SPAG16: variants seen among roughly 807,000 people sequenced by gnomAD.
The protein encoded by SPAG16 is sperm-associated antigen 16 protein.
In SPAG16, 86 loss-of-function variants were observed where a neutral mutation model predicts 80.4. The observed-to-expected ratio is 1.07, with a 90% CI of 0.90 to 1.28. The LOEUF is 1.28. SPAG16 is among the 50% of genes most tolerant of loss of function. SPAG16 has a pLI of 0.00. For missense variants in SPAG16, 870 were observed against 765.3 expected, an observed-to-expected ratio of 1.14 and a Z score of -1.61; for synonymous variants, 294 against 265.9, an observed-to-expected ratio of 1.11 and a Z score of -1.03.
At chr2:214,270,550 T>C (rs1044058937) in intron 15 of SPAG16, among the ~76,000 whole-genome samples, 2 of 152,164 alleles carry the variant, frequency 1.3e-5, no homozygotes, top group African/African-American at 4.8e-5. Context: ...ATGATATGGC[T>C]CCTGACTACA....
chr2:214,120,207 T>A (rs2054147421), intron 14 of SPAG16, among the ~76,000 whole-genome samples: 1 of 151,794 alleles, frequency 6.6e-6, no homozygotes, highest in South Asian at 2.1e-4. Context: ...CTTTTTATAT[T>A]TCCTGTGCTT....
chr2:213,958,506 G>C (rs1400315419), intron 12 of SPAG16, among the ~76,000 whole-genome samples: 1 of 152,106 alleles, frequency 6.6e-6, no homozygotes, highest in African/African-American at 2.4e-5. Flanking sequence ...GGATGCCAAA[G>C]CAACATAAAA....
At chr2:214,102,352 G>A (rs1277292274) in intron 13 of SPAG16, among the ~76,000 whole-genome samples, 2 of 149,976 alleles carry the variant, frequency 1.3e-5, no homozygotes, top group African/African-American at 4.9e-5. Flanking sequence ...AAACAAAATG[G>A]GGTGACCTAT....
chr2:213,496,858 A>G (rs894637863), intron 10 of SPAG16, among the ~76,000 whole-genome samples: 1 of 151,378 alleles, frequency 6.6e-6, no homozygotes, highest in Non-Finnish European at 1.5e-5. Context: ...ATAGATATGT[A>G]TTTTTCCAAT....
chr2:214,018,944 T>G (rs557864937), intron 13 of SPAG16, among the ~76,000 whole-genome samples: 2 of 152,300 alleles, frequency 1.3e-5, no homozygotes, highest in South Asian at 4.1e-4. Context: ...CAGCTCTGAA[T>G]TTTGTAGAGG....
intron 10 of SPAG16, among the ~76,000 whole-genome samples, chr2:213,567,027 C>G (rs2059792258): frequency 6.6e-6 from 1 of 152,046 alleles, no homozygotes; most frequent in Non-Finnish European, 1.5e-5. Context: ...TAATGTTCAT[C>G]CTTCTGGCTT....
At chr2:213,862,756 A>G (rs1029011346) in intron 11 of SPAG16, 128 bp downstream of exon 11, 2 of 1,019,462 alleles carry the variant, frequency 2.0e-6, no homozygotes, top group African/African-American at 1.6e-5. Flanking sequence ...ACTGAATTTC[A>G]AAGTGTATAG....
chr2:214,019,867 CA>C (rs2047771493), intron 13 of SPAG16, among the ~76,000 whole-genome samples: 1 of 152,082 alleles, frequency 6.6e-6, no homozygotes, highest in Non-Finnish European at 1.5e-5. Flanking sequence ...TCCCTGCCCT[CA>C]ATGAACACAC....
At position 213,916,428 on chromosome 2, in the gene SPAG16, G is replaced by A. The variant is rs186625281; in HGVS notation, c.1215-13532G>A. On this transcript the variant is annotated intron_variant, in intron 11 of 15. Coordinates refer to ENST00000331683, the MANE Select transcript of SPAG16 (RefSeq NM_024532.5). ...TGTCAAAGATCAGATGGTTGTAGAC[G>A]TGTGGCATTATTTCTGAGGCCTCTG... is the stretch of plus-strand genomic sequence containing the variant. 1.1e-3 allele frequency among the ~76,000 whole-genome samples: 167 copies of A among 152,248 alleles called. 1 individual carries two copies. The highest frequency in any genetic ancestry group is 1.1e-3 in the African/African-American group (46 of 41,552).
chr2:213,951,004 G>A (rs1187916024), intron 12 of SPAG16, among the ~76,000 whole-genome samples: 10 of 142,968 alleles, frequency 7.0e-5, no homozygotes, highest in African/African-American at 2.4e-4. Context: ...AAGCCACCAC[G>A]CCTAGCCTGA....
chr2:213,484,151 T>C lies in SPAG16; in HGVS notation c.943-5812T>C, dbSNP rs181112192. On this transcript the variant is annotated intron_variant, in intron 9 of 15. Coordinates refer to ENST00000331683, the MANE Select transcript of SPAG16 (RefSeq NM_024532.5). ...TTTCAGGGATAAATTTAAAATACAA[T>C]AAAACTATTTTGTTTTATATAAACA... Among the ~76,000 whole-genome samples the C allele has an allele frequency of 2.8e-3, 423 of 152,290 alleles. 10 individuals carry two copies. Among genetic ancestry groups the C allele is most frequent in the Admixed American group, 0.022 (329 of 15,296 alleles).
chr2:213,732,870 T>C (rs765407081), intron 10 of SPAG16, among the ~76,000 whole-genome samples: 5 of 152,218 alleles, frequency 3.3e-5, no homozygotes, highest in Non-Finnish European at 7.3e-5. Flanking sequence ...TAGGATTATT[T>C]CTATTTTTGT....
chr2:213,511,129 ATC>A (rs1292035427), intron 10 of SPAG16, among the ~76,000 whole-genome samples: 2 of 151,164 alleles, frequency 1.3e-5, no homozygotes, highest in Non-Finnish European at 2.9e-5. Context: ...TTTAATAATT[ATC>A]TCTTTCATAC....
At chr2:214,302,569 C>G (rs1335192901) in intron 15 of SPAG16, among the ~76,000 whole-genome samples, 1 of 152,188 alleles carries the variant, frequency 6.6e-6, no homozygotes, top group Non-Finnish European at 1.5e-5. Context: ...CAACCTCTGC[C>G]TCCTGGGTTC....
At chr2:214,305,004 G>C (rs899775746) in intron 15 of SPAG16, among the ~76,000 whole-genome samples, 1 of 152,140 alleles carries the variant, frequency 6.6e-6, no homozygotes, top group South Asian at 2.1e-4. Flanking sequence ...CCATGAGTAA[G>C]TGTTCCTTTC....
At position 214,291,515 on chromosome 2, in the gene SPAG16, CG is replaced by C. The variant is rs1693802319; in HGVS notation, c.1721-118622del. On this transcript the variant is annotated intron_variant, in intron 15 of 15. Transcript: ENST00000331683. Reference sequence around the variant, plus strand: ...AGAGACGGGGTTTCACCGTTTTAGCCGGGATGGTCTCGATCTCCTGACCTCG... The same window carrying C: ...AGAGACGGGGTTTCACCGTTTTAGCCGGATGGTCTCGATCTCCTGACCTCG... Among the ~76,000 whole-genome samples, 8 of 151,422 alleles carry C rather than the reference CG, an allele frequency of 5.3e-5. No homozygotes were observed. The South Asian group carries it at 1.7e-3, about 32-fold the overall frequency.
At chr2:213,727,573 C>T (rs994133944) in intron 10 of SPAG16, among the ~76,000 whole-genome samples, 9 of 152,022 alleles carry the variant, frequency 5.9e-5, no homozygotes, top group African/African-American at 4.8e-5. Flanking sequence ...AAGGCGCTGA[C>T]GTGGAAATGT....
intron 10 of SPAG16, among the ~76,000 whole-genome samples, chr2:213,678,959 G>C (rs2064240470): frequency 2.0e-5 from 3 of 152,144 alleles, no homozygotes; most frequent in African/African-American, 7.2e-5. Context: ...AGGTTTAGGA[G>C]AGGCTGTTCT....
chr2:214,044,386 T>C (rs192779424), intron 13 of SPAG16, among the ~76,000 whole-genome samples: 238 of 152,322 alleles, frequency 1.6e-3, no homozygotes, highest in African/African-American at 5.2e-3. Context: ...CAGAGTTGCT[T>C]ATAGACACTC....
Sources: allele counts gnomAD v4.1 joint callset (sites outside exome capture counted in the v4.1 genomes callset), GRCh38; gene constraint gnomAD v4.1.1; transcripts MANE v1.5; gene names NCBI Gene and HGNC (gene_info 2026-07-23, HGNC 2026-07-21).